GPHN: variants seen among roughly 807,000 people sequenced by gnomAD.
The protein encoded by GPHN is gephyrin.
GPHN carries 17 observed loss-of-function variants against 95.5 expected under a neutral mutation model. The observed-to-expected ratio is 0.18, with a 90% CI of 0.12 to 0.27. The LOEUF is 0.27. Among genes scored for constraint, GPHN ranks in the 10% least tolerant of loss-of-function variants. GPHN has a pLI of 1.00. For missense variants in GPHN, 660 were observed against 978.1 expected (o/e 0.67, Z 4.34); for synonymous variants, 320 against 322.5 (o/e 0.99, Z 0.08).
chr14:67,692,891 A>C, the GPHN span: 1 of 1,306,724 alleles, frequency 7.7e-7, no homozygotes, highest in Non-Finnish European at 1.1e-6. Context: ...TGTGAGGGGT[A>C]AAACAGCAGT....
At chr14:66,763,554 T>C (rs924160695) in intron 2 of GPHN, among the ~76,000 whole-genome samples, 2 of 151,684 alleles carry the variant, frequency 1.3e-5, no homozygotes, top group Non-Finnish European at 2.9e-5. Flanking sequence ...TCCATGTCCC[T>C]ACAAAGGACA....
chr14:67,032,679 G>A (rs1228217015), intron 10 of GPHN, among the ~76,000 whole-genome samples: 1 of 152,076 alleles, frequency 6.6e-6, no homozygotes, highest in Non-Finnish European at 1.5e-5. Flanking sequence ...TCTCTAATTG[G>A]GAAATTACAT....
chr14:67,092,984 CA>C (rs1162817141), intron 12 of GPHN, among the ~76,000 whole-genome samples: 24 of 151,878 alleles, frequency 1.6e-4, no homozygotes, highest in African/African-American at 4.8e-4. Context: ...TTAATAAGGG[CA>C]AAAATATGTT....
chr14:67,032,719 G>A lies in GPHN; in HGVS notation c.1006+9044G>A, dbSNP rs573750224. Among the ~76,000 whole-genome samples, 6 of 152,220 alleles carry A rather than the reference G, an allele frequency of 3.9e-5. No individual in the cohort carries two copies. The South Asian group carries it at 1.0e-3, about 26-fold the overall frequency. On this transcript the variant is annotated intron_variant, in intron 10 of 22. Coordinates refer to ENST00000478722, the MANE Select transcript of GPHN (RefSeq NM_020806.5). ...AGACCCAGAGAAGTCACATTCCCCC[G>A]CTTTCAAAAAGGTTTCAGAGGCCGC...
chr14:66,775,698 C>A (rs2059355955), intron 2 of GPHN, among the ~76,000 whole-genome samples: 3 of 152,008 alleles, frequency 2.0e-5, no homozygotes, highest in Non-Finnish European at 4.4e-5. Context: ...GAGATAATTG[C>A]AAGGATTAAA....
chr14:66,722,022 A>C (rs1158421382), intron 2 of GPHN, among the ~76,000 whole-genome samples: 1 of 151,676 alleles, frequency 6.6e-6, no homozygotes, highest in African/African-American at 2.4e-5. Flanking sequence ...AAAATGTCAG[A>C]AGGTTTTAAA....
At position 66,975,405 on chromosome 14, in the gene GPHN, T is replaced by C. The variant is rs561430838; in HGVS notation, c.963+10080T>C. Among the ~76,000 whole-genome samples the C allele has an allele frequency of 2.0e-5, 3 of 152,358 alleles. No individual in the cohort carries two copies. In the South Asian group the frequency reaches 6.2e-4, roughly 32 times the overall value. On this transcript the variant is annotated intron_variant, in intron 9 of 22. Transcript: ENST00000478722. Reference sequence around the variant, plus strand: ...GCAGGAATAGATCATTTTTATGTCTTCATGAGTTTAATGATATATTGGAAG... The same window carrying C: ...GCAGGAATAGATCATTTTTATGTCTCCATGAGTTTAATGATATATTGGAAG...
chr14:66,818,946 T>C (rs190294538), intron 3 of GPHN, among the ~76,000 whole-genome samples: 96 of 152,350 alleles, frequency 6.3e-4, no homozygotes, highest in African/African-American at 2.2e-3. Flanking sequence ...GTTTTTTCCC[T>C]GTAAATTTAT....
chr14:67,458,564 T>C, the GPHN span, among the ~76,000 whole-genome samples: 2 of 152,144 alleles, frequency 1.3e-5, no homozygotes, highest in Non-Finnish European at 2.9e-5. Flanking sequence ...CCATAAAGTA[T>C]TACTGTTGTT....
the GPHN span, among the ~76,000 whole-genome samples, chr14:67,327,461 G>C: frequency 6.6e-6 from 1 of 151,906 alleles, no homozygotes; most frequent in East Asian, 1.9e-4. Context: ...GGTGTGGGGG[G>C]AAGGTTTTAA....
intron 1 of GPHN, among the ~76,000 whole-genome samples, chr14:66,605,821 C>T (rs182860577): frequency 7.4e-4 from 113 of 152,032 alleles, no homozygotes; most frequent in East Asian, 3.5e-3. Flanking sequence ...TGTGAGCCAC[C>T]GCACCTGGCC....
In GPHN at chr14:67,111,892, T is replaced by G. The variant is rs1567347826; in HGVS notation, c.1445T>G (p.Val482Gly). ...GTEELEVRIL[V>G]QARPGQDIRP... ...GAAGAACTTGAAGTGCGAATTCTGG[T>G]GCAAGCTCGGCCAGGCCAAGATATC... The change falls in exon 15 of 23, where the codon GTG becomes GGG. Residue 482 changes from valine (V) to glycine (G), a missense_variant. Val to Gly is a moderately radical substitution (Grantham distance 109). Coordinates refer to ENST00000478722, the MANE Select transcript of GPHN (RefSeq NM_020806.5). 1 of 1,613,484 alleles carries G rather than the reference T, an allele frequency of 6.2e-7. No homozygotes were observed. The highest frequency in any genetic ancestry group is 8.5e-7 in the Non-Finnish European group (1 of 1,179,440).
the GPHN span, among the ~76,000 whole-genome samples, chr14:67,327,974 T>C: frequency 3.3e-5 from 5 of 152,358 alleles, no homozygotes; most frequent in Non-Finnish European, 7.3e-5. Context: ...GCAGCATGAT[T>C]TATAATCCTT....
intron 4 of GPHN, among the ~76,000 whole-genome samples, chr14:66,876,894 A>G (rs1196614804): frequency 2.0e-5 from 3 of 152,194 alleles, no homozygotes; most frequent in East Asian, 1.9e-4. Context: ...AACTTACTCT[A>G]CGAGGCCAGC....
the GPHN span, among the ~76,000 whole-genome samples, chr14:67,697,707 T>TG: frequency 0.45 from 68,332 of 152,026 alleles, 17,894 homozygotes; most frequent in Non-Finnish European, 0.61. Context: ...GGGCCCTATA[T>TG]GCAAAGTGGC....
chr14:67,385,189 C>G, the GPHN span: 1 of 152,138 alleles, frequency 6.6e-6, no homozygotes, highest in Admixed American at 6.5e-5. Context: ...TATTCATACA[C>G]CTTGCTAACC....
chr14:66,750,980 C>T (rs1418947270), intron 2 of GPHN, among the ~76,000 whole-genome samples: 1 of 151,784 alleles, frequency 6.6e-6, no homozygotes, highest in East Asian at 1.9e-4. Context: ...ATTTTCATAT[C>T]AATGTCAAGT....
chr14:67,112,069 T>G, intron 15 of GPHN, 150 bp downstream of exon 15: 1 of 706,550 alleles, frequency 1.4e-6, no homozygotes, highest in Non-Finnish European at 2.6e-6. Context: ...TGTTATGAAT[T>G]CTGTATCACA....
chr14:67,717,673 T>C, the GPHN span: 3 of 152,244 alleles, frequency 2.0e-5, no homozygotes, highest in Non-Finnish European at 4.4e-5. Context: ...AAGGGGATAG[T>C]AGTGCTCCAG....
Sources: gnomAD v4.1 joint callset for allele counts (sites outside exome capture counted in the v4.1 genomes callset) on GRCh38, gnomAD v4.1.1 for gene constraint, MANE v1.5 for transcripts, NCBI Gene and HGNC (gene_info 2026-07-23, HGNC 2026-07-21) for gene names.